ANKRD26: variants seen among roughly 807,000 people sequenced by gnomAD.
ANKRD26 encodes ankyrin repeat domain 26.
In ANKRD26, 141 loss-of-function variants were observed where a neutral mutation model predicts 208.7. The ratio of observed to expected loss-of-function variants is 0.68; its 90% CI spans 0.59 to 0.78. The LOEUF is 0.78. Ranked by LOEUF, ANKRD26 falls within the 30% of genes least tolerant of loss-of-function variation. The probability of loss-of-function intolerance (pLI) is 0.00; values close to 1 mark genes in which losing one functional copy is unlikely to be tolerated. For synonymous variants in ANKRD26, 636 were observed against 660.4 expected (o/e 0.96, Z 0.57); for missense variants, 1,889 against 1,938.7 (o/e 0.97, Z 0.48).
downstream of ANKRD26, among the ~76,000 whole-genome samples, chr10:27,002,668 ATGT>A (rs2052750988): frequency 6.6e-6 from 1 of 152,210 alleles, no homozygotes; most frequent in Non-Finnish European, 1.5e-5. Context: ...ATAAAATAAA[ATGT>A]TGTAGGGTCT....
rs1045275685 is a variant in ANKRD26 at position 27,086,578 on chromosome 10, C to T, written c.670G>A (p.Glu224Lys). 3.1e-6 allele frequency: 5 copies of T among 1,604,856 alleles called. No individual in the cohort carries two copies. In the African/African-American group the frequency reaches 5.4e-5, roughly 17 times the overall value. The stretch of plus-strand genomic sequence containing the variant: ...TGAGAAGAATGTTTAGGTATCCTTT[C>T]TTCTTTATATTCTGAAATTAGTTGG... ...SHQLISEYKEERIPKHSSQNS... is the reference protein window; with the variant it reads ...SHQLISEYKEKRIPKHSSQNS... The change falls in exon 5 of 34, where the codon GAA becomes AAA. Residue 224 changes from glutamate (E) to lysine (K), a missense_variant. This residue lies in a region of ANKRD26 where 1,272 missense variants were observed against 1,273.8 expected (regional missense o/e 1.00). Transcript: ENST00000376087.
chr10:27,008,125 A>C (rs965044944), intron 32 of ANKRD26, among the ~76,000 whole-genome samples: 2 of 152,064 alleles, frequency 1.3e-5, no homozygotes, highest in Non-Finnish European at 2.9e-5. Context: ...TCTTTTTTAT[A>C]AAAGGTATTC....
intron 10 of ANKRD26, 46 bp from the exon 11 acceptor site, chr10:27,066,594 T>A: frequency 1.5e-6 from 2 of 1,320,348 alleles, no homozygotes; most frequent in Non-Finnish European, 1.1e-6. Flanking sequence ...CATTTACTAT[T>A]GTAAATTTTA....
the ANKRD26 span, among the ~76,000 whole-genome samples, chr10:26,963,903 GTTTTTTTTTT>G: frequency 2.8e-5 from 2 of 71,850 alleles, no homozygotes; most frequent in Non-Finnish European, 4.7e-5. Context: ...TGGTTGGTTG[GTTTTTTTTTT>G]TTTTTTTTTT....
At chr10:27,059,414 A>G (rs1261679151) in intron 15 of ANKRD26, among the ~76,000 whole-genome samples, 1 of 152,224 alleles carries the variant, frequency 6.6e-6, no homozygotes, top group Non-Finnish European at 1.5e-5. Context: ...AAATTCTAGG[A>G]CATGTAAACA....
intron 13 of ANKRD26, 112 bp from the exon 14 acceptor site, chr10:27,060,652 T>G (rs2055022064): frequency 1.2e-6 from 1 of 862,248 alleles, no homozygotes; most frequent in Non-Finnish European, 1.8e-6. Context: ...TGAAAATGAT[T>G]ATGTTAATTT....
intron 21 of ANKRD26, 57 bp from the exon 22 acceptor site, chr10:27,038,111 T>G: frequency 7.1e-7 from 1 of 1,404,058 alleles, no homozygotes; most frequent in Non-Finnish European, 9.9e-7. Flanking sequence ...AAAAGTTCAT[T>G]GTGTGATATG....
chr10:27,081,778 C>A (rs1052833497), intron 6 of ANKRD26, among the ~76,000 whole-genome samples: 1 of 151,778 alleles, frequency 6.6e-6, no homozygotes, highest in South Asian at 2.1e-4. Context: ...CGCTCTGTCA[C>A]CCAGGCTGGA....
At chr10:27,094,925 A>G (rs1456350571) in intron 1 of ANKRD26, among the ~76,000 whole-genome samples, 1 of 151,788 alleles carries the variant, frequency 6.6e-6, no homozygotes, top group Admixed American at 6.6e-5. Flanking sequence ...GCTTGAGCCC[A>G]GGAGGTTGAG....
the ANKRD26 span, among the ~76,000 whole-genome samples, chr10:26,960,965 T>C: frequency 6.6e-6 from 1 of 152,150 alleles, no homozygotes; most frequent in African/African-American, 2.4e-5. Context: ...ATGCCTGTAA[T>C]CCCAGCCCTT....
At chr10:27,049,190 A>C (rs2054563295) in intron 16 of ANKRD26, among the ~76,000 whole-genome samples, 1 of 152,162 alleles carries the variant, frequency 6.6e-6, no homozygotes, top group South Asian at 2.1e-4. Context: ...ATTTTTGTAA[A>C]GTCTGCTTCA....
At chr10:27,091,219 T>G (rs1455352315) in intron 4 of ANKRD26, among the ~76,000 whole-genome samples, 1 of 152,204 alleles carries the variant, frequency 6.6e-6, no homozygotes, top group Non-Finnish European at 1.5e-5. Flanking sequence ...TACAACCACC[T>G]TGAGATATAT....
chr10:26,968,683 T>C, the ANKRD26 span, among the ~76,000 whole-genome samples: 1 of 152,204 alleles, frequency 6.6e-6, no homozygotes, highest in East Asian at 1.9e-4. Context: ...GAGGCTGACT[T>C]TGATGAGTTT....
intron 16 of ANKRD26, among the ~76,000 whole-genome samples, chr10:27,050,604 A>G (rs2054620688): frequency 6.6e-6 from 1 of 152,186 alleles, no homozygotes; most frequent in Non-Finnish European, 1.5e-5. Flanking sequence ...GGCTGGGAAT[A>G]TTTGTTAACA....
At chr10:26,952,230 C>A in the ANKRD26 span, among the ~76,000 whole-genome samples, 1 of 151,974 alleles carries the variant, frequency 6.6e-6, no homozygotes, top group African/African-American at 2.4e-5. Flanking sequence ...TCCTGACTGA[C>A]CTTGATGTTT....
At chr10:27,060,227 C>A (rs2055004038) in intron 15 of ANKRD26, 118 bp downstream of exon 15, 2 of 1,054,484 alleles carry the variant, frequency 1.9e-6, no homozygotes, top group African/African-American at 1.6e-5. Context: ...TTTTTTAAAT[C>A]CTTCCAACAA....
In ANKRD26 at chr10:27,035,292, G is replaced by A. The variant is rs1217952199; in HGVS notation, c.3158C>T (p.Ser1053Phe). ...RLQDKMNFDVSNLKDNNEILS... is the reference protein window; with the variant it reads ...RLQDKMNFDVFNLKDNNEILS... ...AATCTCATTGTTATCTTTTAGGTTA[G>A]ACACATCAAAATTCATTTTGTCCTG... is the stretch of plus-strand genomic sequence containing the variant. Residue 1053 changes from serine to phenylalanine, a missense_variant, in exon 24 of 34, where the codon TCT becomes TTT. Around this residue, in one of 3 missense-constraint regions of ANKRD26, gnomAD observed 1,272 missense variants for 1,273.8 expected, o/e 1.00. Transcript: ENST00000376087. 2 of 1,613,792 alleles carry A rather than the reference G, an allele frequency of 1.2e-6. No homozygotes were observed.
intron 23 of ANKRD26, among the ~76,000 whole-genome samples, 171 bp downstream of exon 23, chr10:27,037,015 C>A (rs567153528): frequency 2.0e-5 from 3 of 152,118 alleles, no homozygotes; most frequent in Non-Finnish European, 4.4e-5. Context: ...GAATTAAGAA[C>A]ATCACTTTAT....
chr10:27,091,203 T>C (rs1022995401), intron 4 of ANKRD26, among the ~76,000 whole-genome samples: 3 of 152,252 alleles, frequency 2.0e-5, no homozygotes, highest in African/African-American at 7.2e-5. Flanking sequence ...TATAATCTTA[T>C]TTAAATACAA....
Sources: allele counts gnomAD v4.1 joint callset (sites outside exome capture counted in the v4.1 genomes callset), GRCh38; gene constraint gnomAD v4.1.1; regional missense constraint gnomAD v4.1.1; transcripts MANE v1.5; gene names NCBI Gene and HGNC (gene_info 2026-07-23, HGNC 2026-07-21).